Variants in NHSL1 observed in about 807,000 individuals in gnomAD.
The protein encoded by NHSL1 is NHS like 1.
In NHSL1, 48 loss-of-function variants were observed where a neutral mutation model predicts 95.0. The observed-to-expected ratio is 0.51, with a 90% CI of 0.40 to 0.64. The LOEUF is 0.64. Among genes scored for constraint, NHSL1 ranks in the 30% least tolerant of loss-of-function variants. The pLI, the probability that NHSL1 is intolerant of heterozygous loss-of-function variation, is 0.00. For missense variants in NHSL1, 1,971 were observed against 2,077.7 expected, an observed-to-expected ratio of 0.95 and a Z score of 1.00; for synonymous variants, 783 against 833.9, an observed-to-expected ratio of 0.94 and a Z score of 1.05.
chr6:138,674,061 G>C (rs1257739982), intron 1 of NHSL1, among the ~76,000 whole-genome samples: 2 of 151,984 alleles, frequency 1.3e-5, no homozygotes, highest in Non-Finnish European at 2.9e-5. Flanking sequence ...TATAAACTAA[G>C]GTATGGTATT....
At chr6:138,654,782 C>A (rs935504326) in intron 1 of NHSL1, among the ~76,000 whole-genome samples, 2 of 151,958 alleles carry the variant, frequency 1.3e-5, no homozygotes, top group Non-Finnish European at 2.9e-5. Flanking sequence ...TCCATGTATA[C>A]TGAGGAGAAA....
At chr6:138,661,593 T>C (rs1785227990) in intron 1 of NHSL1, among the ~76,000 whole-genome samples, 1 of 150,036 alleles carries the variant, frequency 6.7e-6, no homozygotes, top group Non-Finnish European at 1.5e-5. Context: ...GCCCCGGAAG[T>C]CAAGGCTGCA....
chr6:138,663,248 T>C (rs1382541472), intron 1 of NHSL1, among the ~76,000 whole-genome samples: 1 of 152,070 alleles, frequency 6.6e-6, no homozygotes, highest in Non-Finnish European at 1.5e-5. Flanking sequence ...TATGCTGTCA[T>C]TGTATATGTC....
At chr6:138,577,594 G>A (rs1020271223) in intron 1 of NHSL1, among the ~76,000 whole-genome samples, 1 of 152,156 alleles carries the variant, frequency 6.6e-6, no homozygotes, top group African/African-American at 2.4e-5. Flanking sequence ...ATGGTGTCAC[G>A]TTCTGAAGTG....
At chr6:138,496,743 A>G (rs941844276) in intron 1 of NHSL1, among the ~76,000 whole-genome samples, 3 of 152,194 alleles carry the variant, frequency 2.0e-5, no homozygotes, top group Non-Finnish European at 4.4e-5. Flanking sequence ...CAGTTACTCA[A>G]CTGTATAATG....
At chr6:138,650,075 C>T (rs543040762) in intron 1 of NHSL1, among the ~76,000 whole-genome samples, 13 of 152,332 alleles carry the variant, frequency 8.5e-5, no homozygotes, top group Admixed American at 7.2e-4. Flanking sequence ...TGGATAGACA[C>T]ATGGCAAATA....
chr6:138,646,526 C>T (rs1009235152), intron 1 of NHSL1, among the ~76,000 whole-genome samples: 6 of 151,876 alleles, frequency 4.0e-5, no homozygotes, highest in Non-Finnish European at 7.4e-5. Context: ...CTTATCAATA[C>T]TTCATGGAAA....
At chr6:138,518,814 T>A (rs1781557690) in intron 1 of NHSL1, among the ~76,000 whole-genome samples, 1 of 152,038 alleles carries the variant, frequency 6.6e-6, no homozygotes, top group Non-Finnish European at 1.5e-5. Flanking sequence ...GGTCAGGAGT[T>A]CAAGACCAGC....
At chr6:138,687,816 T>C (rs1228907284) in intron 1 of NHSL1, among the ~76,000 whole-genome samples, 1 of 152,046 alleles carries the variant, frequency 6.6e-6, no homozygotes, top group Non-Finnish European at 1.5e-5. Context: ...AGTGGTTGCC[T>C]AGGAATGGGA....
At chr6:138,661,643 C>G (rs1785228583) in intron 1 of NHSL1, among the ~76,000 whole-genome samples, 2 of 148,916 alleles carry the variant, frequency 1.3e-5, no homozygotes, top group Non-Finnish European at 3.0e-5. Flanking sequence ...GACTAAGCGA[C>G]AGAATGAGAC....
upstream of NHSL1, among the ~76,000 whole-genome samples, chr6:138,502,207 T>C (rs550142972): frequency 6.6e-6 from 1 of 152,202 alleles, no homozygotes; most frequent in South Asian, 2.1e-4. Context: ...TCACATTTCT[T>C]GCGTTCTATA....
chr6:138,541,328 C>T (rs1168573905), intron 1 of NHSL1, among the ~76,000 whole-genome samples: 1 of 152,164 alleles, frequency 6.6e-6, no homozygotes, highest in Non-Finnish European at 1.5e-5. Context: ...GATCGCACTA[C>T]TGCACTCCAG....
At position 138,431,539 on chromosome 6, in the gene NHSL1, GA is replaced by G; in HGVS notation, c.2805del (p.Ser937LeufsTer61). 6.4e-7 allele frequency: 1 copy of G among 1,550,912 alleles called. No homozygotes were observed. Among genetic ancestry groups the G allele is most frequent in the Non-Finnish European group, 8.7e-7 (1 of 1,146,576 alleles). ...GCAGGACAAGGGAATGGAGGAGAGGGAACAGGAGGAGGAGGAGGAGCCGGGG... is the reference window on the plus strand; with the variant it reads ...GCAGGACAAGGGAATGGAGGAGAGGGACAGGAGGAGGAGGAGGAGCCGGGG... ...GSPPAPPPPP[V>X]PSPPFPCPAD... is the part of the protein sequence containing the mutation. On this transcript the variant is annotated frameshift_variant, in exon 6 of 8. Coordinates refer to ENST00000343505, the MANE Select transcript of NHSL1 (RefSeq NM_001144060.2). LOFTEE classifies it high-confidence loss of function. This position sits in a 1 kb window ranked among gnomAD's most constrained non-coding sequence, Gnocchi z 4.0.
chr6:138,485,147 TC>T (rs1779646521), intron 2 of NHSL1, among the ~76,000 whole-genome samples: 1 of 152,158 alleles, frequency 6.6e-6, no homozygotes, highest in Admixed American at 6.5e-5. Flanking sequence ...CAAGATCAAA[TC>T]GCCTGCAAAG....
chr6:138,430,401 T>A lies in NHSL1; in HGVS notation c.3944A>T (p.Asp1315Val). The A allele has an allele frequency of 6.7e-7, 1 of 1,483,402 alleles. No individual in the cohort carries two copies. The highest frequency in any genetic ancestry group is 9.0e-7 in the Non-Finnish European group (1 of 1,110,750). The allele number at this position is 1,483,402 out of a possible 1,614,324, so 91.9% of individuals were successfully genotyped here. Residue 1315 changes from aspartate to valine, a missense_variant, in exon 6 of 8, where the codon GAC becomes GTC. By Grantham distance (152) the Asp-to-Val change is radical. This residue lies in a region of NHSL1 where 146 missense variants were observed against 206.3 expected (regional missense o/e 0.71). Coordinates refer to ENST00000343505, the MANE Select transcript of NHSL1 (RefSeq NM_001144060.2). This position sits in a 1 kb window ranked among gnomAD's most constrained non-coding sequence, Gnocchi z 4.7. Reference sequence around the variant, plus strand: ...CAGGAAGCCAGACTCACCTGCTCCGTCCTGTTGAGATAGGCAGCTCTCCCC... The same window carrying A: ...CAGGAAGCCAGACTCACCTGCTCCGACCTGTTGAGATAGGCAGCTCTCCCC... ...GDGESCLSQQ[D>V]GAAGVPETNA...
chr6:138,424,068 T>G lies in NHSL1; in HGVS notation c.*13A>C. The G allele has an allele frequency of 7.3e-7, 1 of 1,361,934 alleles. No individual in the cohort carries two copies. Among genetic ancestry groups the G allele is most frequent in the Non-Finnish European group, 9.4e-7 (1 of 1,059,586 alleles). The allele number at this position is 1,361,934 out of a possible 1,614,324, so 84.4% of individuals were successfully genotyped here. A position where few individuals can be genotyped will look rare whatever the true frequency, so the allele number is the denominator to read the frequency against. On this transcript the variant is annotated 3_prime_UTR_variant, in exon 8 of 8. Coordinates refer to ENST00000343505, the MANE Select transcript of NHSL1 (RefSeq NM_001144060.2). This position sits in a 1 kb window ranked among gnomAD's most constrained non-coding sequence, Gnocchi z 5.9. ...CTCCCCCCGTGTCACCTGGGAGAGT[T>G]ACGTTCTTGGCCCTAACTCTCCTCG... is the stretch of plus-strand genomic sequence containing the variant.
Position 138,432,288 on chromosome 6 carries a change from T to C in NHSL1, c.2057A>G (p.Lys686Arg), listed in dbSNP as rs1221555426. 1.7e-5 allele frequency: 26 copies of C among 1,551,376 alleles called. No homozygotes were observed. Among genetic ancestry groups the C allele is most frequent in the African/African-American group, 2.7e-5 (2 of 73,100 alleles). The change falls in exon 6 of 8, where the codon AAG becomes AGG. Residue 686 changes from lysine to arginine, a missense_variant. Physicochemically the swap from Lys to Arg is conservative, Grantham distance 26 (BLOSUM62 2). This residue lies in a region of NHSL1 where 1,602 missense variants were observed against 1,654.5 expected (regional missense o/e 0.97). Transcript: ENST00000343505. This position sits in a 1 kb window ranked among gnomAD's most constrained non-coding sequence, Gnocchi z 4.4. ...CTGCCCGTTGCACTGGCTGCTCTTC[T>C]TGGGAATCCTGCGGAGGGAGTCTGT... ...SRTDSLRRIPKKSSQCNGQVL... is the reference protein window; with the variant it reads ...SRTDSLRRIPRKSSQCNGQVL...
Position 138,442,036 on chromosome 6 carries a change from A to C in NHSL1, c.611T>G (p.Val204Gly), listed in dbSNP as rs1049579707. Residue 204 changes from valine (V) to glycine (G), a missense_variant, in exon 5 of 8, where the codon GTC (valine) becomes GGC (glycine). Around this residue, in one of 3 missense-constraint regions of NHSL1, gnomAD observed 1,602 missense variants for 1,654.5 expected, o/e 0.97. Transcript: ENST00000343505. ...TCCTGTAATAGTCTTTCTCCTTTTGACTTTCTTCGGTCGTCTTACCAGAGT... is the reference window on the plus strand; with the variant it reads ...TCCTGTAATAGTCTTTCTCCTTTTGCCTTTCTTCGGTCGTCTTACCAGAGT... ...TDTLVRRPKK[V>G]KRRKTITGVP... The C allele has an allele frequency of 2.6e-5, 40 of 1,551,374 alleles. No homozygotes were observed. Among genetic ancestry groups the C allele is most frequent in the Non-Finnish European group, 3.4e-5 (39 of 1,146,864 alleles).
chr6:138,563,594 A>T (rs1783493006), intron 1 of NHSL1, among the ~76,000 whole-genome samples: 1 of 152,254 alleles, frequency 6.6e-6, no homozygotes, highest in African/African-American at 2.4e-5. Flanking sequence ...GTAGGCTTAC[A>T]GCATATCTAT....
Sources: gnomAD v4.1 joint callset for allele counts (sites outside exome capture counted in the v4.1 genomes callset) on GRCh38, gnomAD v4.1.1 for gene constraint, gnomAD v4.1.1 regional missense constraint, Gnocchi (gnomAD v3.1) non-coding constraint, MANE v1.5 for transcripts, NCBI Gene and HGNC (gene_info 2026-07-23, HGNC 2026-07-21) for gene names.